Variants in MAX observed in about 807,000 individuals in gnomAD.
The protein encoded by MAX is protein max.
Under a neutral mutation model 22.3 loss-of-function variants are expected in MAX, and 3 were observed. That is an observed-to-expected ratio of 0.13 (90% CI 0.06 to 0.35). The LOEUF (loss-of-function observed/expected upper bound fraction) is 0.35, where lower values mean the gene tolerates loss of function less well. Among genes scored for constraint, MAX ranks in the 10% least tolerant of loss-of-function variants. The pLI is 1.00. For synonymous variants in MAX, 72 were observed against 77.7 expected (o/e 0.93, Z 0.39); for missense variants, 119 against 209.4 (o/e 0.57, Z 2.66).
chr14:65,040,249 A>ATATATATATG (rs527946937), intron 3 of MAX, among the ~76,000 whole-genome samples: 4 of 146,738 alleles, frequency 2.7e-5, no homozygotes, highest in African/African-American at 7.4e-5. Context: ...GGTTATCACT[A>ATATATATATG]TATATATATG....
chr14:65,080,223 C>T (rs897337606), intron 3 of MAX, among the ~76,000 whole-genome samples: 1 of 152,030 alleles, frequency 6.6e-6, no homozygotes, highest in Non-Finnish European at 1.5e-5. Context: ...ACCAAGGTGG[C>T]GTTTGGAATA....
At position 65,006,243 on chromosome 14, in the gene MAX, A is replaced by C. The variant is rs143291877; in HGVS notation, c.213T>G (p.Tyr71Ter). 15 of 1,611,738 alleles carry C rather than the reference A, an allele frequency of 9.3e-6. No homozygotes were observed. The highest frequency in any genetic ancestry group is 1.1e-5 in the Non-Finnish European group (13 of 1,179,728). Reference sequence around the variant, plus strand: ...AAACAGTTGGAAAAGGCAAGTGTTCATAAGGAAAGACAGGTGGGAGGGTTA... The same window carrying C: ...AAACAGTTGGAAAAGGCAAGTGTTCCTAAGGAAAGACAGGTGGGAGGGTTA... Residue 71 changes from tyrosine (Y) to a stop codon, truncating the protein, a stop_gained, in exon 4 of 4, where the codon TAT (tyrosine) becomes TAG (stop). Transcript: ENST00000341653. LOFTEE classifies it high-confidence loss of function.
Position 65,077,083 on chromosome 14 carries a change from AAC to A in MAX, c.296-422_296-421del, listed in dbSNP as rs1595128519. 2.1e-5 allele frequency: 12 copies of A among 575,686 alleles called. No individual in the cohort carries two copies. In the East Asian group the frequency reaches 3.3e-4, roughly 16 times the overall value. The allele number at this position is 575,686 out of a possible 1,614,324, so 35.7% of individuals were successfully genotyped here. On this transcript the variant is annotated intron_variant, in intron 4 of 4. Transcript: ENST00000358664. This position sits in a 1 kb window ranked among gnomAD's most constrained non-coding sequence, Gnocchi z 6.3. ...ATGACATAAGACGTATCAGCCAAAG[AAC>A]AGTTTTGGCTTAGCTCTCGTGTACA...
At position 65,011,111 on chromosome 14, in the gene MAX, A is replaced by T. The variant is rs1295593297; in HGVS notation, c.172-4827T>A. 6.6e-6 allele frequency among the ~76,000 whole-genome samples: 1 copy of T among 152,038 alleles called. No individual in the cohort carries two copies. Among genetic ancestry groups the T allele is most frequent in the East Asian group, 1.9e-4 (1 of 5,196 alleles). ...CATTGATATACTTACCTCATTTCTGAATTGGAAGAGTTTTTGAGGTAAAGA... is the reference window on the plus strand; with the variant it reads ...CATTGATATACTTACCTCATTTCTGTATTGGAAGAGTTTTTGAGGTAAAGA... On this transcript the variant is annotated intron_variant, in intron 3 of 3. Transcript: ENST00000341653. The surrounding 1 kb of genome is among the most constrained non-coding windows in gnomAD (Gnocchi z 4.0).
chr14:65,050,851 T>C (rs1462820122), intron 3 of MAX, among the ~76,000 whole-genome samples: 7 of 152,218 alleles, frequency 4.6e-5, no homozygotes. Flanking sequence ...GTCAGTCTAT[T>C]TGAAGAAAAT....
At chr14:65,080,007 A>G (rs1227628598) in intron 3 of MAX, among the ~76,000 whole-genome samples, 1 of 152,210 alleles carries the variant, frequency 6.6e-6, no homozygotes, top group African/African-American at 2.4e-5. Flanking sequence ...CTTACTTACT[A>G]TCTAGTTGAG....
chr14:65,102,277 C>A lies in MAX; in HGVS notation c.36+27G>T, dbSNP rs373635057. 89 of 1,613,290 alleles carry A rather than the reference C, an allele frequency of 5.5e-5. No individual in the cohort carries two copies. Among genetic ancestry groups the A allele is most frequent in the Non-Finnish European group, 7.0e-5 (82 of 1,179,628 alleles). ...CGCTGTCCCCGCCTGACAACCCGCA[C>A]GGGAAGGAAGAAGCCCCAGGACTCA... On this transcript the variant is annotated intron_variant, in intron 1 of 4. Coordinates refer to ENST00000358664, the MANE Select transcript of MAX (RefSeq NM_002382.5).
chr14:65,096,910 T>C (rs867951224), intron 2 of MAX, among the ~76,000 whole-genome samples: 2 of 152,148 alleles, frequency 1.3e-5, no homozygotes, highest in South Asian at 2.1e-4. Flanking sequence ...ACACATCCTA[T>C]GGTTACAGTG....
In MAX at chr14:65,101,664, G is replaced by A. The variant is rs963260318; in HGVS notation, c.37-92C>T. The A allele has an allele frequency of 8.1e-6, 8 of 983,794 alleles. No individual in the cohort carries two copies. The Admixed American group carries it at 1.5e-4, about 18-fold the overall frequency. The allele number at this position is 983,794 out of a possible 1,614,324, so 60.9% of individuals were successfully genotyped here. ...TAAGAAAGAAAATGCCGGCGGCAGA[G>A]GAAGCGGAGGGTGGGGAGTCAGCCC... On this transcript the variant is annotated intron_variant, in intron 1 of 4. Transcript: ENST00000358664.
At chr14:65,015,729 T>G (rs1247511698) in intron 3 of MAX, 1 of 1,612,268 alleles carries the variant, frequency 6.2e-7, no homozygotes, top group Non-Finnish European at 8.5e-7. Context: ...GAGTCTGTCT[T>G]TGGGAAATCT....
Position 65,076,597 on chromosome 14 carries a change from C to G in MAX, c.362G>C (p.Ser121Thr), listed in dbSNP as rs2139740926. 6.2e-7 allele frequency: 1 copy of G among 1,614,050 alleles called. No individual in the cohort carries two copies. Among genetic ancestry groups the G allele is most frequent in the Non-Finnish European group, 8.5e-7 (1 of 1,179,994 alleles). ...LQTNYPSSDN[S>T]LYTNAKGSTI... is the part of the protein sequence containing the mutation. The stretch of plus-strand genomic sequence containing the variant: ...GCTGCCCTTGGCGTTGGTGTAGAGG[C>G]TGTTGTCTGAGGAGGGGTAGTTGGT... The change falls in exon 5 of 5, where the codon AGC (serine) becomes ACC (threonine). Residue 121 changes from serine (S) to threonine (T), a missense_variant. Transcript: ENST00000358664. The surrounding 1 kb of genome is among the most constrained non-coding windows in gnomAD (Gnocchi z 6.6).
chr14:65,045,034 C>T (rs1483115008), intron 3 of MAX, among the ~76,000 whole-genome samples: 1 of 152,126 alleles, frequency 6.6e-6, no homozygotes, highest in Non-Finnish European at 1.5e-5. Context: ...TCCACCTGCA[C>T]CATTGGAGTA....
In MAX at chr14:65,054,340, G is replaced by T. The variant is rs1002946659; in HGVS notation, c.171+39368C>A. Among the ~76,000 whole-genome samples the T allele has an allele frequency of 6.6e-6, 1 of 151,758 alleles. No individual in the cohort carries two copies. Among genetic ancestry groups the T allele is most frequent in the Non-Finnish European group, 1.5e-5 (1 of 67,982 alleles). ...TGCCCAAGTTGGTTTTGAACTCCTG[G>T]CCTCAAACCGTTCTCTTGCCTCAGC... On this transcript the variant is annotated intron_variant, in intron 3 of 3. Coordinates refer to the MAX transcript ENST00000341653. The surrounding 1 kb of genome is among the most constrained non-coding windows in gnomAD (Gnocchi z 4.4).
intron 3 of MAX, among the ~76,000 whole-genome samples, chr14:65,042,661 G>A (rs1026611798): frequency 2.0e-5 from 3 of 152,172 alleles, no homozygotes; most frequent in Non-Finnish European, 4.4e-5. Context: ...ATTTGCTTTG[G>A]GAGAAGTAGG....
intron 2 of MAX, 189 bp from the exon 3 acceptor site, chr14:65,094,004 G>C (rs1286852791): frequency 1.4e-5 from 9 of 641,962 alleles, no homozygotes; most frequent in East Asian, 2.8e-5. Context: ...AAAGGGGTGA[G>C]CAACGCTTGC....
At chr14:65,040,704 CTT>C in intron 3 of MAX, 1 of 1,325,456 alleles carries the variant, frequency 7.5e-7, no homozygotes, top group Non-Finnish European at 9.9e-7. Flanking sequence ...TCTGAGTGAA[CTT>C]TTTCTCTGCC....
At chr14:65,052,165 T>TGA (rs2062631048) in intron 3 of MAX, among the ~76,000 whole-genome samples, 2 of 152,200 alleles carry the variant, frequency 1.3e-5, no homozygotes, top group African/African-American at 4.8e-5. Context: ...TACAGTTACC[T>TGA]TATATGTCCA....
intron 3 of MAX, among the ~76,000 whole-genome samples, chr14:65,067,272 C>T (rs77834300): frequency 0.015 from 2,258 of 152,116 alleles, 29 homozygotes; most frequent in Admixed American, 0.024. Context: ...ACACAGAGTT[C>T]CCACAGACCC....
chr14:65,011,040 T>G lies in MAX; in HGVS notation c.172-4756A>C, dbSNP rs771905101. On this transcript the variant is annotated intron_variant, in intron 3 of 3. Coordinates refer to the MAX transcript ENST00000341653. The surrounding 1 kb of genome is among the most constrained non-coding windows in gnomAD (Gnocchi z 4.0). Reference sequence around the variant, plus strand: ...ATATCCCCTCCCTTTTGAGCCTCAGTAGTATGTTTTTCCCTTGCAAAACCT... The same window carrying G: ...ATATCCCCTCCCTTTTGAGCCTCAGGAGTATGTTTTTCCCTTGCAAAACCT... Among the ~76,000 whole-genome samples the G allele has an allele frequency of 9.9e-5, 15 of 152,216 alleles. No individual in the cohort carries two copies. Among genetic ancestry groups the G allele is most frequent in the Non-Finnish European group, 2.2e-4 (15 of 68,022 alleles).
Sources: allele counts gnomAD v4.1 joint callset (sites outside exome capture counted in the v4.1 genomes callset), GRCh38; gene constraint gnomAD v4.1.1; non-coding constraint Gnocchi (gnomAD v3.1); transcripts MANE v1.5; gene names NCBI Gene and HGNC (gene_info 2026-07-23, HGNC 2026-07-21).